ANKS1B: variants seen among roughly 807,000 people sequenced by gnomAD.
ANKS1B encodes the protein ankyrin repeat and sterile alpha motif domain-containing protein 1B.
In ANKS1B, 36 loss-of-function variants were observed where a neutral mutation model predicts 148.3. The observed-to-expected ratio is 0.24, with a 90% CI of 0.19 to 0.32. The LOEUF is 0.32. Among genes scored for constraint, ANKS1B ranks in the 10% least tolerant of loss-of-function variants. ANKS1B has a pLI of 1.00. For synonymous variants in ANKS1B, 542 were observed against 560.8 expected, an observed-to-expected ratio of 0.97 and a Z score of 0.47; for missense variants, 1,157 against 1,542.6, an observed-to-expected ratio of 0.75 and a Z score of 4.19.
At chr12:99,671,135 T>C (rs34573733) in intron 8 of ANKS1B, among the ~76,000 whole-genome samples, 40,988 of 152,092 alleles carry the variant, frequency 0.27, 5,902 homozygotes, top group Non-Finnish European at 0.3. Context: ...TTGCATGAAG[T>C]ATATCTTATC....
intron 12 of ANKS1B, among the ~76,000 whole-genome samples, chr12:99,333,867 T>G (rs182466918): frequency 6.7e-6 from 1 of 150,062 alleles, no homozygotes; most frequent in Non-Finnish European, 1.5e-5. Context: ...TTTTTTTTTT[T>G]TTTTTTTTAA....
chr12:99,708,574 T>C (rs1253254824), intron 8 of ANKS1B, among the ~76,000 whole-genome samples: 1 of 152,166 alleles, frequency 6.6e-6, no homozygotes, highest in African/African-American at 2.4e-5. Flanking sequence ...GGCTATGCTA[T>C]GGGTATTCCT....
chr12:99,217,712 G>A (rs2084438384), intron 14 of ANKS1B, among the ~76,000 whole-genome samples: 3 of 151,964 alleles, frequency 2.0e-5, no homozygotes. Flanking sequence ...TGGCCTTTGA[G>A]CTGAAATAAC....
Position 99,523,551 on chromosome 12 carries a change from C to CTTTTTT in ANKS1B, c.1273-18916_1273-18911dup, listed in dbSNP as rs71088130. ...TAGCCTGATCTATACAAGGCATCTTCTTTTTTTTTTTTTTTTTTTTGAGAC... is the reference window on the plus strand; with the variant it reads ...TAGCCTGATCTATACAAGGCATCTTCTTTTTTTTTTTTTTTTTTTTTTTTTTGAGAC... On this transcript the variant is annotated intron_variant, in intron 9 of 26. Coordinates refer to ENST00000683438, the MANE Select transcript of ANKS1B (RefSeq NM_001352186.2). Among the ~76,000 whole-genome samples the CTTTTTT allele has an allele frequency of 3.8e-4, 46 of 119,640 alleles. 1 individual carries two copies. Among genetic ancestry groups the CTTTTTT allele is most frequent in the African/African-American group, 1.4e-3 (41 of 29,862 alleles). The allele number at this position is 119,640 out of a possible 152,430, so 78.5% of individuals were successfully genotyped here.
chr12:99,054,422 T>C (rs536222838), intron 16 of ANKS1B, among the ~76,000 whole-genome samples: 1 of 152,246 alleles, frequency 6.6e-6, no homozygotes, highest in Non-Finnish European at 1.5e-5. Context: ...TCTATCACTA[T>C]GCATGGTTCT....
chr12:99,057,965 G>A (rs1040130372), intron 16 of ANKS1B, among the ~76,000 whole-genome samples: 2 of 152,202 alleles, frequency 1.3e-5, no homozygotes, highest in Non-Finnish European at 1.5e-5. Flanking sequence ...GCAGACCCGT[G>A]AGTAAGAAAA....
At chr12:99,345,933 C>G (rs1566933295) in intron 12 of ANKS1B, among the ~76,000 whole-genome samples, 2 of 151,982 alleles carry the variant, frequency 1.3e-5, no homozygotes. Flanking sequence ...TACTTTGCAC[C>G]TGTCCTAATC....
chr12:99,825,203 A>C lies in ANKS1B; in HGVS notation c.215+106T>G, dbSNP rs537160018. 1.6e-3 allele frequency: 1,436 copies of C among 902,984 alleles called. 3 individuals are homozygous for C. Among genetic ancestry groups the C allele is most frequent in the Non-Finnish European group, 2.3e-3 (1,315 of 578,600 alleles). The allele number at this position is 902,984 out of a possible 1,614,324, so 55.9% of individuals were successfully genotyped here. A position where few individuals can be genotyped will look rare whatever the true frequency, so the allele number is the denominator to read the frequency against. On this transcript the variant is annotated intron_variant, in intron 2 of 26. Transcript: ENST00000683438. The stretch of plus-strand genomic sequence containing the variant: ...CCTGGTCCCTTTCCAAATTCACCTA[A>C]GCCCATTGGACTCACAGAGACATGA...
At chr12:98,779,994 T>C (rs1159263847) in intron 24 of ANKS1B, among the ~76,000 whole-genome samples, 1 of 152,222 alleles carries the variant, frequency 6.6e-6, no homozygotes, top group African/African-American at 2.4e-5. Flanking sequence ...TTTACCTAAC[T>C]ACTGAAACAA....
chr12:99,474,514 T>C (rs2152916805), intron 10 of ANKS1B, among the ~76,000 whole-genome samples: 1 of 152,052 alleles, frequency 6.6e-6, no homozygotes, highest in South Asian at 2.1e-4. Context: ...TTAGACACAT[T>C]TTTTTAAAAA....
intron 1 of ANKS1B, among the ~76,000 whole-genome samples, chr12:99,933,608 G>C (rs1330877969): frequency 6.6e-6 from 1 of 152,084 alleles, no homozygotes; most frequent in Non-Finnish European, 1.5e-5. Flanking sequence ...CAACTTTACT[G>C]AATGTGTTTA....
intron 9 of ANKS1B, among the ~76,000 whole-genome samples, chr12:99,541,221 C>A (rs555930365): frequency 6.6e-6 from 1 of 151,926 alleles, no homozygotes; most frequent in Non-Finnish European, 1.5e-5. Context: ...CTCACAAATG[C>A]TTCTTTAAAA....
intron 1 of ANKS1B, among the ~76,000 whole-genome samples, chr12:99,982,701 GAGA>G (rs1314212383): frequency 6.6e-6 from 1 of 152,190 alleles, no homozygotes; most frequent in Non-Finnish European, 1.5e-5. Flanking sequence ...GTGTTTGAAA[GAGA>G]AGATTATTTA....
intron 17 of ANKS1B, among the ~76,000 whole-genome samples, chr12:98,895,797 G>C (rs2099763755): frequency 6.9e-6 from 1 of 145,460 alleles, no homozygotes; most frequent in African/African-American, 2.4e-5. Context: ...TTGTGTTTTT[G>C]TTTGTTTGTT....
At chr12:99,949,981 G>A (rs888251382) in intron 1 of ANKS1B, among the ~76,000 whole-genome samples, 2 of 152,066 alleles carry the variant, frequency 1.3e-5, no homozygotes, top group Non-Finnish European at 2.9e-5. Context: ...GTTTGTTTGT[G>A]ACAGGGTCTC....
At chr12:99,461,255 A>G (rs1427647575) in intron 10 of ANKS1B, among the ~76,000 whole-genome samples, 1 of 152,136 alleles carries the variant, frequency 6.6e-6, no homozygotes, top group African/African-American at 2.4e-5. Flanking sequence ...GAATGATACA[A>G]TGGACTTTGG....
intron 10 of ANKS1B, among the ~76,000 whole-genome samples, chr12:99,502,729 A>G (rs896513056): frequency 2.0e-5 from 3 of 152,214 alleles, no homozygotes; most frequent in African/African-American, 4.8e-5. Flanking sequence ...ATATGGAATA[A>G]TGCATATAAA....
chr12:98,948,254 C>T (rs903011460), intron 17 of ANKS1B, among the ~76,000 whole-genome samples: 1 of 152,246 alleles, frequency 6.6e-6, no homozygotes, highest in Non-Finnish European at 1.5e-5. Flanking sequence ...TAAATACTTT[C>T]TTGTCTTTCT....
intron 17 of ANKS1B, among the ~76,000 whole-genome samples, chr12:99,030,926 G>T (rs1254092817): frequency 6.6e-6 from 1 of 152,128 alleles, no homozygotes; most frequent in South Asian, 2.1e-4. Flanking sequence ...CTCTCTTTCT[G>T]AATCCGTCTA....
Sources: allele counts gnomAD v4.1 joint callset (sites outside exome capture counted in the v4.1 genomes callset), GRCh38; gene constraint gnomAD v4.1.1; transcripts MANE v1.5; gene names NCBI Gene and HGNC (gene_info 2026-07-23, HGNC 2026-07-21).